Variants in POLA2 observed in about 807,000 individuals in gnomAD.
The protein encoded by POLA2 is DNA polymerase alpha subunit B.
A neutral mutation model predicts 82.8 loss-of-function variants in POLA2; 47 were observed. That is an observed-to-expected ratio of 0.57 (90% CI 0.45 to 0.72). POLA2 has a LOEUF of 0.72. Among genes scored for constraint, POLA2 ranks in the 30% least tolerant of loss-of-function variants. The pLI is 0.00. For missense variants in POLA2, 634 were observed against 728.1 expected (o/e 0.87, Z 1.49); for synonymous variants, 287 against 286.8 (o/e 1.00, Z -0.01).
At chr11:65,295,434 C>G in intron 15 of POLA2, 106 bp from the exon 16 acceptor site, 1 of 963,738 alleles carries the variant, frequency 1.0e-6, no homozygotes, top group Non-Finnish European at 1.7e-6. Flanking sequence ...GTTGCTGTGC[C>G]TTGGCCATTT....
Position 65,297,341 on chromosome 11 carries a change from G to C in POLA2, c.*72G>C, listed in dbSNP as rs1949822953. On this transcript the variant is annotated 3_prime_UTR_variant, in exon 18 of 18. Transcript: ENST00000265465. ...TAGCCAAGAGCCAAGACATAGCCCT[G>C]TGACAAGGTGAACAGTTGGGTGGGA... 1.4e-6 allele frequency: 2 copies of C among 1,470,968 alleles called. No individual in the cohort carries two copies. The highest frequency in any genetic ancestry group is 1.4e-5 in the African/African-American group (1 of 69,822). 91.1% of individuals were successfully genotyped at this position (1,470,968 alleles called of 1,614,324 possible).
intron 10 of POLA2, 138 bp downstream of exon 10, chr11:65,282,659 A>G (rs1383407535): frequency 1.4e-6 from 1 of 733,816 alleles, no homozygotes; most frequent in South Asian, 1.6e-5. Context: ...CGCCACCATC[A>G]TGAGTTCGTA....
At chr11:65,296,669 G>A (rs1011089443) in intron 17 of POLA2, among the ~76,000 whole-genome samples, 6 of 152,082 alleles carry the variant, frequency 3.9e-5, no homozygotes, top group East Asian at 1.9e-4. Flanking sequence ...GACTGAGGCC[G>A]GGCGCAGTGG....
downstream of POLA2, among the ~76,000 whole-genome samples, chr11:65,303,113 C>T (rs1399495889): frequency 2.0e-5 from 3 of 151,916 alleles, no homozygotes; most frequent in Admixed American, 1.3e-4. Context: ...GAGGCCGAGG[C>T]GGGTGGATCA....
chr11:65,287,570 G>A (rs186772899), intron 10 of POLA2, 146 bp from the exon 11 acceptor site: 1 of 605,424 alleles, frequency 1.7e-6, no homozygotes, highest in Admixed American at 2.9e-5. Flanking sequence ...GTGGACATGA[G>A]GTCTTCCTTA....
chr11:65,275,883 T>C lies in POLA2; in HGVS notation c.355-9T>C, dbSNP rs769781381. On this transcript the variant is annotated splice_polypyrimidine_tract_variant and intron_variant, in intron 4 of 17. Coordinates refer to ENST00000265465, the MANE Select transcript of POLA2 (RefSeq NM_002689.4). ...GGACTGAGATTTTGTTTTCCTTTTT[T>C]TTCCCTAGGGTTCTCAGAAGCGAGC... The C allele has an allele frequency of 5.1e-6, 8 of 1,566,376 alleles. No individual in the cohort carries two copies. In the East Asian group the frequency reaches 1.1e-4, roughly 22 times the overall value.
In POLA2 at chr11:65,281,695, C is replaced by A; in HGVS notation, c.926C>A (p.Thr309Asn). The A allele has an allele frequency of 6.2e-7, 1 of 1,613,876 alleles. No individual in the cohort carries two copies. Among genetic ancestry groups the A allele is most frequent in the East Asian group, 2.2e-5 (1 of 44,888 alleles). The change falls in exon 9 of 18, where the codon ACC becomes AAC. Residue 309 changes from threonine (T) to asparagine (N), a missense_variant. Coordinates refer to ENST00000265465, the MANE Select transcript of POLA2 (RefSeq NM_002689.4). ...GQVVIMEGIN[T>N]TGRKLVATKL... ...GTTGTAATTATGGAAGGAATCAACA[C>A]CACTGGTAGGAAACTTGTTGCCACC...
At chr11:65,266,549 A>G in intron 1 of POLA2, 33 bp from the exon 2 acceptor site, 2 of 1,611,338 alleles carry the variant, frequency 1.2e-6, no homozygotes, top group Non-Finnish European at 1.7e-6. Flanking sequence ...GAAATGAACT[A>G]AGTTTTTACT....
chr11:65,295,676 G>A, intron 16 of POLA2, 77 bp downstream of exon 16: 1 of 1,385,436 alleles, frequency 7.2e-7, no homozygotes, highest in Non-Finnish European at 1.0e-6. Context: ...ATGACTGTAA[G>A]AGCCTTCACC....
At position 65,294,613 on chromosome 11, in the gene POLA2, C is replaced by T; in HGVS notation, c.1421C>T (p.Thr474Ile). The change falls in exon 15 of 18, where the codon ACA becomes ATA. Residue 474 changes from threonine to isoleucine, a missense_variant. Thr to Ile is a moderately conservative substitution (Grantham distance 89, BLOSUM62 -1). Transcript: ENST00000265465. ...INGVIFGLTS[T>I]DLLFHLGAEE... Reference sequence around the variant, plus strand: ...GGAGTGATCTTCGGCTTGACATCCACAGATCTGCTTTTCCACCTGGGGGCC... The same window carrying T: ...GGAGTGATCTTCGGCTTGACATCCATAGATCTGCTTTTCCACCTGGGGGCC... 3 of 1,614,110 alleles carry T rather than the reference C, an allele frequency of 1.9e-6. No homozygotes were observed. The highest frequency in any genetic ancestry group is 2.5e-6 in the Non-Finnish European group (3 of 1,179,972).
At chr11:65,290,620 G>C (rs1949745050) in intron 13 of POLA2, among the ~76,000 whole-genome samples, 1 of 152,110 alleles carries the variant, frequency 6.6e-6, no homozygotes, top group African/African-American at 2.4e-5. Context: ...TCAAGTGCAA[G>C]TTAAGAGGCA....
chr11:65,276,466 G>A (rs1187200445), intron 5 of POLA2, among the ~76,000 whole-genome samples: 3 of 151,936 alleles, frequency 2.0e-5, no homozygotes, highest in Non-Finnish European at 4.4e-5. Context: ...TCCAAGTCAG[G>A]TTAGAACTAG....
chr11:65,269,515 A>G (rs1299427549), intron 4 of POLA2, among the ~76,000 whole-genome samples: 1 of 151,948 alleles, frequency 6.6e-6, no homozygotes, highest in Non-Finnish European at 1.5e-5. Flanking sequence ...AACAACAACA[A>G]CTATGTACTG....
Position 65,298,373 on chromosome 11 carries a change from T to C in POLA2, c.*1104T>C, listed in dbSNP as rs1949836381. On this transcript the variant is annotated 3_prime_UTR_variant, in exon 18 of 18. Coordinates refer to ENST00000265465, the MANE Select transcript of POLA2 (RefSeq NM_002689.4). ...CAGACAGGGTCAGGCCTTCCAGGGT[T>C]CACAGCACGTCCCATGCCCCTATGT... 1 of 152,330 alleles carries C rather than the reference T, an allele frequency of 6.6e-6. No individual in the cohort carries two copies. The highest frequency in any genetic ancestry group is 6.5e-5 in the Admixed American group (1 of 15,284). 9.4% of individuals were successfully genotyped at this position (152,330 alleles called of 1,614,324 possible). A position where few individuals can be genotyped will look rare whatever the true frequency, so the allele number is the denominator to read the frequency against.
At chr11:65,293,376 A>G (rs1293634981) in intron 13 of POLA2, among the ~76,000 whole-genome samples, 1 of 152,074 alleles carries the variant, frequency 6.6e-6, no homozygotes, top group East Asian at 1.9e-4. Context: ...TTGGGAGGCC[A>G]AGGTCGGTGG....
At chr11:65,276,265 G>T (rs1158715810) in intron 5 of POLA2, among the ~76,000 whole-genome samples, 1 of 152,102 alleles carries the variant, frequency 6.6e-6, no homozygotes, top group Non-Finnish European at 1.5e-5. Context: ...CTGATATCTT[G>T]TATTGAAAAC....
At chr11:65,278,387 A>G (rs1258109147) in intron 5 of POLA2, among the ~76,000 whole-genome samples, 1 of 152,236 alleles carries the variant, frequency 6.6e-6, no homozygotes, top group East Asian at 1.9e-4. Context: ...TGAGAAGAAA[A>G]AAATGGGACT....
downstream of POLA2, among the ~76,000 whole-genome samples, chr11:65,300,256 C>T (rs139581185): frequency 0.022 from 3,301 of 152,102 alleles, 128 homozygotes; most frequent in African/African-American, 0.075. Flanking sequence ...AGTGCAGTAG[C>T]GCAATCTCGG....
In POLA2 at chr11:65,281,649, CTGTT is replaced by C. The variant is rs1477857100; in HGVS notation, c.901-15_901-12del. The C allele has an allele frequency of 3.8e-6, 6 of 1,591,120 alleles. No individual in the cohort carries two copies. The Admixed American group carries it at 1.0e-4, about 27-fold the overall frequency. On this transcript the variant is annotated splice_polypyrimidine_tract_variant and intron_variant, in intron 8 of 17. Coordinates refer to ENST00000265465, the MANE Select transcript of POLA2 (RefSeq NM_002689.4). ...CATTGATCTCCACTGCTTAGCAATC[CTGTT>C]TGTTTTTGTCTTTCAGGTTGTAATT...
Sources: gnomAD v4.1 joint callset for allele counts (sites outside exome capture counted in the v4.1 genomes callset) on GRCh38, gnomAD v4.1.1 for gene constraint, MANE v1.5 for transcripts, NCBI Gene and HGNC (gene_info 2026-07-23, HGNC 2026-07-21) for gene names.